RANBP2: variants seen among roughly 807,000 people sequenced by gnomAD.
RANBP2 encodes E3 SUMO-protein ligase RanBP2.
Under a neutral mutation model 303.6 loss-of-function variants are expected in RANBP2, and 57 were observed. The ratio of observed to expected loss-of-function variants is 0.19; its 90% confidence interval spans 0.15 to 0.23. The LOEUF (loss-of-function observed/expected upper bound fraction) is 0.23, where lower values mean the gene tolerates loss of function less well. RANBP2 is among the 10% of genes least tolerant of loss of function. The pLI, the probability that RANBP2 is intolerant of heterozygous loss-of-function variation, is 1.00. For synonymous variants in RANBP2, 1,167 were observed against 1,301.5 expected (o/e 0.90, Z 2.23); for missense variants, 3,138 against 3,780.8 (o/e 0.83, Z 4.46).
At chr2:108,887,216 C>A in the RANBP2 span, among the ~76,000 whole-genome samples, 1 of 151,940 alleles carries the variant, frequency 6.6e-6, no homozygotes, top group African/African-American at 2.4e-5. Context: ...TTTCTGGTTT[C>A]TTTATTTTGT....
At chr2:109,166,190 A>G in the RANBP2 span, among the ~76,000 whole-genome samples, 1 of 152,124 alleles carries the variant, frequency 6.6e-6, no homozygotes, top group Non-Finnish European at 1.5e-5. Context: ...TTCAAAGGAA[A>G]GATGCAGGCC....
the RANBP2 span, among the ~76,000 whole-genome samples, chr2:109,197,683 A>G: frequency 6.6e-6 from 1 of 152,340 alleles, no homozygotes; most frequent in African/African-American, 2.4e-5. Context: ...TGGGACAGTA[A>G]GCCTGCCAGG....
At chr2:109,510,971 C>A in the RANBP2 span, among the ~76,000 whole-genome samples, 1 of 152,314 alleles carries the variant, frequency 6.6e-6, no homozygotes, top group East Asian at 1.9e-4. Flanking sequence ...CCTCTGCGCC[C>A]GCCCCATGCT....
chr2:109,492,354 C>T, the RANBP2 span, among the ~76,000 whole-genome samples: 1 of 152,174 alleles, frequency 6.6e-6, no homozygotes, highest in African/African-American at 2.4e-5. Flanking sequence ...GCCTGGGGCT[C>T]CAGAGTGGAC....
chr2:109,608,480 C>T, the RANBP2 span, among the ~76,000 whole-genome samples: 1 of 152,202 alleles, frequency 6.6e-6, no homozygotes, highest in African/African-American at 2.4e-5. Flanking sequence ...AGAATAGCCA[C>T]ATTTCTACCT....
the RANBP2 span, among the ~76,000 whole-genome samples, chr2:109,550,789 T>C: frequency 1.3e-5 from 2 of 152,154 alleles, no homozygotes; most frequent in Admixed American, 6.5e-5. Context: ...CTGCCCTCTG[T>C]GCAAACCCCT....
chr2:109,170,266 T>TCTC, the RANBP2 span, among the ~76,000 whole-genome samples: 5 of 80,056 alleles, frequency 6.2e-5, no homozygotes, highest in African/African-American at 1.8e-4. Context: ...TCTCTTCTCT[T>TCTC]CTCTTCTCTT....
the RANBP2 span, among the ~76,000 whole-genome samples, chr2:109,554,906 T>C: frequency 1.3e-5 from 2 of 152,176 alleles, no homozygotes; most frequent in Non-Finnish European, 2.9e-5. Context: ...TCCTGAGTCA[T>C]CTTTCACTCT....
chr2:109,493,564 T>C, the RANBP2 span, among the ~76,000 whole-genome samples: 2 of 141,948 alleles, frequency 1.4e-5, no homozygotes, highest in African/African-American at 2.7e-5. Flanking sequence ...ATACATACCA[T>C]ACACACTGCA....
chr2:109,477,762 G>A, the RANBP2 span, among the ~76,000 whole-genome samples: 1 of 152,226 alleles, frequency 6.6e-6, no homozygotes, highest in African/African-American at 2.4e-5. Flanking sequence ...CATAGACGGC[G>A]CCTTCTCACC....
the RANBP2 span, among the ~76,000 whole-genome samples, chr2:109,390,191 C>A: frequency 6.6e-6 from 1 of 152,188 alleles, no homozygotes; most frequent in Non-Finnish European, 1.5e-5. Flanking sequence ...TGTGGCAGTT[C>A]TTGGAGAAAG....
the RANBP2 span, among the ~76,000 whole-genome samples, chr2:109,179,003 ATGTG>A: frequency 3.6e-3 from 506 of 142,174 alleles, 3 homozygotes; most frequent in Non-Finnish European, 5.5e-3. Context: ...AAGTATAATA[ATGTG>A]TGTGTGTGTG....
the RANBP2 span, among the ~76,000 whole-genome samples, chr2:109,037,926 G>T: frequency 6.6e-6 from 1 of 152,162 alleles, no homozygotes; most frequent in African/African-American, 2.4e-5. Flanking sequence ...TCCCAGCAAG[G>T]TGCTTTGTAG....
At chr2:109,346,257 T>A in the RANBP2 span, among the ~76,000 whole-genome samples, 3 of 152,224 alleles carry the variant, frequency 2.0e-5, no homozygotes, top group South Asian at 6.2e-4. Context: ...GGTGGCTGTT[T>A]GTCAATTTGC....
the RANBP2 span, among the ~76,000 whole-genome samples, chr2:109,629,243 T>C: frequency 2.1e-5 from 3 of 140,930 alleles, no homozygotes; most frequent in East Asian, 6.6e-4. Context: ...AATAAAATGC[T>C]TAACTAACAT....
the RANBP2 span, among the ~76,000 whole-genome samples, chr2:109,429,689 C>T: frequency 6.6e-6 from 1 of 152,158 alleles, no homozygotes; most frequent in African/African-American, 2.4e-5. Flanking sequence ...CAGCCCTGGC[C>T]CTACCCCTGA....
At chr2:109,054,406 C>T in the RANBP2 span, among the ~76,000 whole-genome samples, 14 of 152,192 alleles carry the variant, frequency 9.2e-5, no homozygotes, top group South Asian at 1.5e-3. Context: ...ACACACAGAT[C>T]TTAAGAGTTT....
downstream of RANBP2, among the ~76,000 whole-genome samples, chr2:108,786,372 C>G (rs547967389): frequency 6.6e-6 from 1 of 151,942 alleles, no homozygotes; most frequent in African/African-American, 2.4e-5. Context: ...CGGGACTACA[C>G]GCGCGCCACC....
the RANBP2 span, among the ~76,000 whole-genome samples, chr2:109,144,210 C>T: frequency 6.6e-6 from 1 of 152,128 alleles, no homozygotes; most frequent in African/African-American, 2.4e-5. Context: ...CATGACACCA[C>T]GAAGGTAACC....
Sources: gnomAD v4.1 joint callset for allele counts (sites outside exome capture counted in the v4.1 genomes callset) on GRCh38, gnomAD v4.1.1 for gene constraint, MANE v1.5 for transcripts, NCBI Gene and HGNC (gene_info 2026-07-23, HGNC 2026-07-21) for gene names.